The following RPS6KC1 variants were observed in gnomAD, a reference collection of about 807,000 sequenced individuals.
The protein encoded by RPS6KC1 is inactive ribosomal protein S6 kinase delta-1.
Under a neutral mutation model 103.8 loss-of-function variants are expected in RPS6KC1, and 54 were observed. The observed-to-expected ratio is 0.52, with a 90% CI of 0.42 to 0.65. The LOEUF (loss-of-function observed/expected upper bound fraction) is 0.65. Ranked by LOEUF, RPS6KC1 falls within the 30% of genes least tolerant of loss-of-function variation. The pLI, the probability that RPS6KC1 is intolerant of heterozygous loss-of-function variation, is 0.00. For synonymous variants in RPS6KC1, 439 were observed against 438.7 expected (o/e 1.00, Z -0.01); for missense variants, 1,151 against 1,253.8 (o/e 0.92, Z 1.24).
chr1:213,548,344 G>C, the RPS6KC1 span, among the ~76,000 whole-genome samples: 1 of 152,200 alleles, frequency 6.6e-6, no homozygotes, highest in African/African-American at 2.4e-5. Context: ...ATTTTGTAGT[G>C]ATACATGTGT....
At chr1:213,573,044 G>A in the RPS6KC1 span, among the ~76,000 whole-genome samples, 1 of 152,184 alleles carries the variant, frequency 6.6e-6, no homozygotes, top group Non-Finnish European at 1.5e-5. Flanking sequence ...CTGCTCTCAA[G>A]TCTGGAGCAG....
chr1:213,419,979 C>T, the RPS6KC1 span, among the ~76,000 whole-genome samples: 1 of 152,182 alleles, frequency 6.6e-6, no homozygotes, highest in Non-Finnish European at 1.5e-5. Context: ...TTTCCATTCA[C>T]ACATGAGCTT....
At chr1:213,334,429 A>C in the RPS6KC1 span, among the ~76,000 whole-genome samples, 1 of 152,070 alleles carries the variant, frequency 6.6e-6, no homozygotes, top group East Asian at 1.9e-4. Flanking sequence ...AGGACTGTGG[A>C]CCATACAGAT....
chr1:213,813,788 G>C, the RPS6KC1 span, among the ~76,000 whole-genome samples: 3 of 152,142 alleles, frequency 2.0e-5, no homozygotes, highest in Non-Finnish European at 2.9e-5. Context: ...GGAGCAGAGG[G>C]GGGCTGCCAA....
the RPS6KC1 span, among the ~76,000 whole-genome samples, chr1:213,761,097 A>G: frequency 2.6e-5 from 4 of 151,956 alleles, no homozygotes; most frequent in Non-Finnish European, 5.9e-5. Flanking sequence ...ATTTTTTGAG[A>G]TAAAGCCTTC....
intron 2 of RPS6KC1, among the ~76,000 whole-genome samples, chr1:213,075,880 C>T (rs1232693666): frequency 1.3e-5 from 2 of 152,192 alleles, no homozygotes; most frequent in East Asian, 3.8e-4. Flanking sequence ...CTGACCACTT[C>T]CCTTCAGGAC....
At chr1:213,649,668 C>A in the RPS6KC1 span, among the ~76,000 whole-genome samples, 1 of 151,998 alleles carries the variant, frequency 6.6e-6, no homozygotes, top group African/African-American at 2.4e-5. Context: ...GTGTCTGTGA[C>A]GGTTTACTTT....
intron 3 of RPS6KC1, among the ~76,000 whole-genome samples, chr1:213,082,386 G>A (rs982173653): frequency 1.3e-5 from 2 of 152,058 alleles, no homozygotes; most frequent in Non-Finnish European, 2.9e-5. Flanking sequence ...AGCTGAGATC[G>A]TGTCACTGCA....
At chr1:213,480,199 G>A in the RPS6KC1 span, among the ~76,000 whole-genome samples, 2 of 151,980 alleles carry the variant, frequency 1.3e-5, no homozygotes, top group African/African-American at 2.4e-5. Context: ...TTGAAGAGGA[G>A]CATTTTCTGA....
At chr1:213,577,191 A>G in the RPS6KC1 span, among the ~76,000 whole-genome samples, 5 of 152,112 alleles carry the variant, frequency 3.3e-5, no homozygotes, top group Non-Finnish European at 5.9e-5. Flanking sequence ...GTCTTACAAG[A>G]TCTGATGGTT....
the RPS6KC1 span, among the ~76,000 whole-genome samples, chr1:213,510,511 G>A: frequency 6.6e-6 from 1 of 152,108 alleles, no homozygotes; most frequent in Non-Finnish European, 1.5e-5. Context: ...CAAATCATAG[G>A]CTATAACGGG....
the RPS6KC1 span, among the ~76,000 whole-genome samples, chr1:213,311,803 C>G: frequency 6.6e-6 from 1 of 151,750 alleles, no homozygotes; most frequent in African/African-American, 2.4e-5. Context: ...GGAAATTTTG[C>G]AGCTGTGTGA....
chr1:213,503,037 C>T, the RPS6KC1 span, among the ~76,000 whole-genome samples: 4 of 152,032 alleles, frequency 2.6e-5, no homozygotes, highest in Admixed American at 2.6e-4. Context: ...TTTGCATATG[C>T]TCTATTTTCC....
At chr1:213,849,393 C>T in the RPS6KC1 span, among the ~76,000 whole-genome samples, 1 of 152,302 alleles carries the variant, frequency 6.6e-6, no homozygotes, top group African/African-American at 2.4e-5. Flanking sequence ...CTTTCATTAC[C>T]ATTTATCCTA....
intron 1 of RPS6KC1, among the ~76,000 whole-genome samples, chr1:213,052,005 G>A (rs1375033029): frequency 2.0e-5 from 3 of 152,138 alleles, no homozygotes; most frequent in African/African-American, 7.2e-5. Flanking sequence ...CTGTGGATCC[G>A]GGCTTTGTCA....
At chr1:213,654,126 A>T in the RPS6KC1 span, among the ~76,000 whole-genome samples, 1 of 152,000 alleles carries the variant, frequency 6.6e-6, no homozygotes, top group Non-Finnish European at 1.5e-5. Context: ...GCCCAAGCTG[A>T]CTCCAGGGTT....
At chr1:213,596,390 G>A in the RPS6KC1 span, among the ~76,000 whole-genome samples, 1 of 152,164 alleles carries the variant, frequency 6.6e-6, no homozygotes, top group Non-Finnish European at 1.5e-5. Context: ...CTATTATAAA[G>A]GGTTTTCTCC....
chr1:213,098,263 C>G (rs1368978897), intron 3 of RPS6KC1, among the ~76,000 whole-genome samples: 1 of 151,044 alleles, frequency 6.6e-6, no homozygotes, highest in Non-Finnish European at 1.5e-5. Context: ...CTACAGGGGA[C>G]TACAGGCATA....
At chr1:213,590,273 G>C in the RPS6KC1 span, among the ~76,000 whole-genome samples, 1 of 152,104 alleles carries the variant, frequency 6.6e-6, no homozygotes, top group Non-Finnish European at 1.5e-5. Flanking sequence ...GTGACTAAAA[G>C]TAGGCCACAT....
Sources: allele counts gnomAD v4.1 joint callset (sites outside exome capture counted in the v4.1 genomes callset), GRCh38; gene constraint gnomAD v4.1.1; transcripts MANE v1.5; gene names NCBI Gene and HGNC (gene_info 2026-07-23, HGNC 2026-07-21).